SLC30A4: variants seen among roughly 807,000 people sequenced by gnomAD.
SLC30A4 encodes the protein probable proton-coupled zinc antiporter SLC30A4.
A neutral mutation model predicts 41.7 loss-of-function variants in SLC30A4; 20 were observed. The observed-to-expected ratio is 0.48, with a 90% CI of 0.34 to 0.70. The LOEUF is 0.70. Ranked by LOEUF, SLC30A4 falls within the 30% of genes least tolerant of loss-of-function variation. The probability of loss-of-function intolerance (pLI) is 0.01; values close to 1 mark genes in which losing one functional copy is unlikely to be tolerated. For missense variants in SLC30A4, 441 were observed against 529.3 expected (o/e 0.83, Z 1.64); for synonymous variants, 181 against 195.9 (o/e 0.92, Z 0.64).
rs78134811 is a variant in SLC30A4 at position 45,484,896 on chromosome 15, G to C, written c.*267C>G. 6 of 368,688 alleles carry C rather than the reference G, an allele frequency of 1.6e-5. No individual in the cohort carries two copies. The East Asian group carries it at 1.9e-4, about 12-fold the overall frequency. 22.8% of individuals were successfully genotyped at this position (368,688 alleles called of 1,614,324 possible). On this transcript the variant is annotated 3_prime_UTR_variant, in exon 8 of 8. Transcript: ENST00000261867. Reference sequence around the variant, plus strand: ...GTCAAGTTAATGAAGTATGATCTTGGATTGTCTTCTATGAGGTATCTGTAG... The same window carrying C: ...GTCAAGTTAATGAAGTATGATCTTGCATTGTCTTCTATGAGGTATCTGTAG...
At chr15:45,520,796 T>A (rs1262095812) in intron 2 of SLC30A4, 1 of 281,062 alleles carries the variant, frequency 3.6e-6, no homozygotes, top group African/African-American at 2.2e-5. Context: ...TTTATACACA[T>A]GTGACCTGTG....
At chr15:45,490,324 AGTG>A (rs1253139083) in intron 4 of SLC30A4, among the ~76,000 whole-genome samples, 1 of 152,192 alleles carries the variant, frequency 6.6e-6, no homozygotes, top group Non-Finnish European at 1.5e-5. Context: ...CTAGAGCGCA[AGTG>A]ATCTTCCCAC....
intron 3 of SLC30A4, among the ~76,000 whole-genome samples, chr15:45,497,989 T>A (rs1319493439): frequency 6.6e-6 from 1 of 152,190 alleles, no homozygotes; most frequent in African/African-American, 2.4e-5. Flanking sequence ...TTTTCATGGG[T>A]GTTGTATAAA....
intron 3 of SLC30A4, among the ~76,000 whole-genome samples, chr15:45,510,331 G>T (rs1874826508): frequency 6.6e-6 from 1 of 152,012 alleles, no homozygotes; most frequent in African/African-American, 2.4e-5. Flanking sequence ...AGTTTTTTTA[G>T]GCTAAAAAAT....
At chr15:45,517,421 T>C (rs1854635475) in intron 2 of SLC30A4, among the ~76,000 whole-genome samples, 1 of 143,648 alleles carries the variant, frequency 7.0e-6, no homozygotes. Context: ...CAGCGTGATC[T>C]CGGCTCACCA....
chr15:45,490,239 G>C (rs1037977042), intron 4 of SLC30A4, among the ~76,000 whole-genome samples: 3 of 151,960 alleles, frequency 2.0e-5, no homozygotes, highest in Non-Finnish European at 4.4e-5. Context: ...CCATAGGCAC[G>C]AGCCACCGTG....
At chr15:45,520,421 C>A (rs1374037052) in intron 2 of SLC30A4, among the ~76,000 whole-genome samples, 1 of 152,060 alleles carries the variant, frequency 6.6e-6, no homozygotes, top group Non-Finnish European at 1.5e-5. Flanking sequence ...AGGCGCCCAC[C>A]ACAACGTCCG....
In SLC30A4 at chr15:45,522,436, T is replaced by A; in HGVS notation, c.-82A>T. On this transcript the variant is annotated 5_prime_UTR_variant, in exon 2 of 8. Coordinates refer to ENST00000261867, the MANE Select transcript of SLC30A4 (RefSeq NM_013309.6). The stretch of plus-strand genomic sequence containing the variant: ...GCGCCTACTTCACCGGAGCGCCAGT[T>A]CTCGAGGGCAGTGCCGCGCGTCCCT... The A allele has an allele frequency of 7.4e-7, 1 of 1,358,040 alleles. No homozygotes were observed. Among genetic ancestry groups the A allele is most frequent in the Non-Finnish European group, 9.9e-7 (1 of 1,010,764 alleles). 84.1% of individuals were successfully genotyped at this position (1,358,040 alleles called of 1,614,324 possible). A position where few individuals can be genotyped will look rare whatever the true frequency, so the allele number is the denominator to read the frequency against.
At chr15:45,521,004 G>C (rs1259420188) in intron 2 of SLC30A4, 1 of 466,588 alleles carries the variant, frequency 2.1e-6, no homozygotes, top group African/African-American at 2.0e-5. Flanking sequence ...GCGAGCCCTG[G>C]GGAGGAGTGT....
At chr15:45,520,245 T>G (rs981350871) in intron 2 of SLC30A4, among the ~76,000 whole-genome samples, 3 of 151,596 alleles carry the variant, frequency 2.0e-5, no homozygotes, top group African/African-American at 7.3e-5. Flanking sequence ...TAATTTTTAT[T>G]ACTTATTTAT....
At chr15:45,489,203 G>A (rs563964924) in intron 4 of SLC30A4, among the ~76,000 whole-genome samples, 161 bp from the exon 5 acceptor site, 3 of 152,250 alleles carry the variant, frequency 2.0e-5, no homozygotes, top group African/African-American at 7.2e-5. Flanking sequence ...TCAAAACAGT[G>A]GTAAGATAGA....
intron 2 of SLC30A4, among the ~76,000 whole-genome samples, chr15:45,518,097 A>G (rs1892546040): frequency 6.6e-6 from 1 of 152,248 alleles, no homozygotes; most frequent in Non-Finnish European, 1.5e-5. Context: ...CATTGAAGCC[A>G]AACTGGCCTT....
Position 45,490,708 on chromosome 15 carries a change from G to A in SLC30A4, c.692+20C>T. The A allele has an allele frequency of 6.4e-7, 1 of 1,554,870 alleles. No homozygotes were observed. Among genetic ancestry groups the A allele is most frequent in the African/African-American group, 1.4e-5 (1 of 73,054 alleles). On this transcript the variant is annotated intron_variant, in intron 4 of 7. Transcript: ENST00000261867. ...GTTCACAGTACTTGAAAATATTAAT[G>A]TGAAAAAAATAGAGCTTACATTACA... is the stretch of plus-strand genomic sequence containing the variant.
rs779328106 is a variant in SLC30A4, at chr15:45,487,537, T to G, written c.990A>C (p.Ile330=). ...TFRIIWDTVV[I]ILEGVPSHLN... is the part of the protein sequence containing the mutation. Reference sequence around the variant, plus strand: ...ATAGTGAGATCTTACCTTCTAGTATTATAACTACTGTATCCCATATGATTC... The same window carrying G: ...ATAGTGAGATCTTACCTTCTAGTATGATAACTACTGTATCCCATATGATTC... The change falls in exon 6 of 8, where the codon ATA becomes ATC. Residue 330 remains isoleucine, a synonymous_variant. Transcript: ENST00000261867. 2.7e-6 allele frequency: 4 copies of G among 1,454,614 alleles called. No homozygotes were observed. In the Admixed American group the frequency reaches 6.7e-5, roughly 24 times the overall value. The allele number at this position is 1,454,614 out of a possible 1,614,324, so 90.1% of individuals were successfully genotyped here.
chr15:45,503,112 T>C (rs1267341307), intron 3 of SLC30A4: 6 of 152,118 alleles, frequency 3.9e-5, no homozygotes, highest in African/African-American at 9.7e-5. Context: ...TATACTTTTA[T>C]TGAATACTAG....
At chr15:45,490,458 A>C (rs969654068) in intron 4 of SLC30A4, among the ~76,000 whole-genome samples, 1 of 152,130 alleles carries the variant, frequency 6.6e-6, no homozygotes, top group Non-Finnish European at 1.5e-5. Context: ...TTAAGAAAAA[A>C]AATCTAGTTA....
rs1891664358 is a variant in SLC30A4, at chr15:45,484,732, C to T, written c.*431G>A. On this transcript the variant is annotated 3_prime_UTR_variant, in exon 8 of 8. Coordinates refer to ENST00000261867, the MANE Select transcript of SLC30A4 (RefSeq NM_013309.6). ...TTCTGTAAAAAGAAAGCAGCAATTC[C>T]AGAAGCTGGGTGTCGAGATTATTAT... 1 of 153,716 alleles carries T rather than the reference C, an allele frequency of 6.5e-6. No individual in the cohort carries two copies. The highest frequency in any genetic ancestry group is 2.4e-5 in the African/African-American group (1 of 41,496). 9.5% of individuals were successfully genotyped at this position (153,716 alleles called of 1,614,324 possible).
At chr15:45,488,210 C>T (rs1361546556) in intron 5 of SLC30A4, among the ~76,000 whole-genome samples, 1 of 152,136 alleles carries the variant, frequency 6.6e-6, no homozygotes, top group Non-Finnish European at 1.5e-5. Context: ...GACTAGAACC[C>T]ACTCAGATCT....
At position 45,517,345 on chromosome 15, in the gene SLC30A4, C is replaced by CTTTTTT. The variant is rs1166130286; in HGVS notation, c.391+4613_391+4618dup. 3.7e-3 allele frequency among the ~76,000 whole-genome samples: 245 copies of CTTTTTT among 65,530 alleles called. 1 individual carries two copies. The highest frequency in any genetic ancestry group is 4.7e-3 in the Non-Finnish European group (176 of 37,092). The allele number at this position is 65,530 out of a possible 152,430, so 43.0% of individuals were successfully genotyped here. A position where few individuals can be genotyped will look rare whatever the true frequency, so the allele number is the denominator to read the frequency against. The stretch of plus-strand genomic sequence containing the variant: ...CCAAGAATATACCCTCCAATCCATT[C>CTTTTTT]TTTTTTTTTTTTTTTTTTTTTTTTT... On this transcript the variant is annotated intron_variant, in intron 2 of 7. Coordinates refer to ENST00000261867, the MANE Select transcript of SLC30A4 (RefSeq NM_013309.6).
Sources: gnomAD v4.1 joint callset for allele counts (sites outside exome capture counted in the v4.1 genomes callset) on GRCh38, gnomAD v4.1.1 for gene constraint, MANE v1.5 for transcripts, NCBI Gene and HGNC (gene_info 2026-07-23, HGNC 2026-07-21) for gene names.